The following LRP1B variants were observed in gnomAD, a reference collection of about 807,000 sequenced individuals.
LRP1B encodes low-density lipoprotein receptor-related protein 1B.
A neutral mutation model predicts 556.6 loss-of-function variants in LRP1B; 217 were observed. The ratio of observed to expected loss-of-function variants is 0.39; its 90% CI spans 0.35 to 0.44. The LOEUF (loss-of-function observed/expected upper bound fraction) is 0.44, where lower values mean the gene tolerates loss of function less well. Among genes scored for constraint, LRP1B ranks in the 20% least tolerant of loss-of-function variants. The pLI, the probability that LRP1B is intolerant of heterozygous loss-of-function variation, is 1.00. For synonymous variants in LRP1B, 2,047 were observed against 1,865.8 expected (o/e 1.10, Z -2.50); for missense variants, 5,053 against 5,620.8 (o/e 0.90, Z 3.23).
intron 83 of LRP1B, among the ~76,000 whole-genome samples, chr2:140,302,819 T>C (rs1274590255): frequency 6.6e-6 from 1 of 151,808 alleles, no homozygotes; most frequent in Non-Finnish European, 1.5e-5. Flanking sequence ...AATTGCTTCC[T>C]CCTCCCACCC....
chr2:141,278,505 T>C (rs1256446233), intron 3 of LRP1B, among the ~76,000 whole-genome samples: 1 of 152,150 alleles, frequency 6.6e-6, no homozygotes, highest in Non-Finnish European at 1.5e-5. Context: ...CTACATGTAC[T>C]GGGTCACGTT....
At chr2:141,085,569 C>T (rs2104896132) in intron 7 of LRP1B, among the ~76,000 whole-genome samples, 1 of 152,202 alleles carries the variant, frequency 6.6e-6, no homozygotes, top group East Asian at 1.9e-4. Context: ...AGAGAGAGGC[C>T]TCAAGAAACC....
intron 41 of LRP1B, among the ~76,000 whole-genome samples, chr2:140,603,154 T>C (rs986430315): frequency 2.0e-5 from 3 of 152,056 alleles, no homozygotes; most frequent in Non-Finnish European, 2.9e-5. Flanking sequence ...ATACCATAGA[T>C]AGTCTCCTCT....
intron 66 of LRP1B, among the ~76,000 whole-genome samples, chr2:140,415,893 G>C (rs1014279035): frequency 6.6e-6 from 1 of 152,216 alleles, no homozygotes; most frequent in Non-Finnish European, 1.5e-5. Flanking sequence ...AGTTGCAAAT[G>C]CAAGTTTGGC....
At chr2:141,312,904 C>A (rs1011818585) in intron 3 of LRP1B, among the ~76,000 whole-genome samples, 3 of 152,070 alleles carry the variant, frequency 2.0e-5, no homozygotes, top group Non-Finnish European at 4.4e-5. Flanking sequence ...TGGTCTCGAA[C>A]TCCTGACCTC....
At chr2:141,903,311 C>T (rs1268692175) in intron 1 of LRP1B, among the ~76,000 whole-genome samples, 1 of 151,888 alleles carries the variant, frequency 6.6e-6, no homozygotes. Context: ...AAATCAACTT[C>T]TCCATGCTGT....
intron 2 of LRP1B, among the ~76,000 whole-genome samples, chr2:141,717,019 T>A (rs1692627961): frequency 6.6e-6 from 1 of 152,172 alleles, no homozygotes; most frequent in South Asian, 2.1e-4. Flanking sequence ...GGTTTAGGTG[T>A]TGAGGTGCTC....
chr2:140,948,208 A>G (rs1695599266), intron 20 of LRP1B, among the ~76,000 whole-genome samples: 2 of 152,226 alleles, frequency 1.3e-5, no homozygotes, highest in East Asian at 1.9e-4. Context: ...TAGATTTCAT[A>G]GCACATTATG....
At chr2:140,891,039 T>A (rs1246472203) in intron 23 of LRP1B, among the ~76,000 whole-genome samples, 5 of 152,138 alleles carry the variant, frequency 3.3e-5, no homozygotes, top group Admixed American at 2.0e-4. Context: ...CGACTGAATT[T>A]AACAGCTCAA....
intron 1 of LRP1B, among the ~76,000 whole-genome samples, chr2:141,945,557 C>A (rs1317830945): frequency 1.3e-5 from 2 of 150,380 alleles, no homozygotes; most frequent in African/African-American, 2.5e-5. Flanking sequence ...ATATATATAT[C>A]TCCACAATTG....
At chr2:141,366,746 T>G (rs894071548) in intron 3 of LRP1B, among the ~76,000 whole-genome samples, 2 of 152,220 alleles carry the variant, frequency 1.3e-5, no homozygotes, top group Non-Finnish European at 2.9e-5. Context: ...AATGTCTTAT[T>G]TTCTTTGTTG....
At chr2:141,537,155 C>G (rs1204117410) in intron 2 of LRP1B, among the ~76,000 whole-genome samples, 1 of 152,014 alleles carries the variant, frequency 6.6e-6, no homozygotes, top group Non-Finnish European at 1.5e-5. Flanking sequence ...AGATTAACTT[C>G]TTTGAGTACA....
intron 35 of LRP1B, among the ~76,000 whole-genome samples, chr2:140,767,242 G>T (rs190866016): frequency 6.6e-6 from 1 of 152,058 alleles, no homozygotes; most frequent in Non-Finnish European, 1.5e-5. Flanking sequence ...CTACCTACAT[G>T]ACTATTCTGT....
At chr2:140,298,127 T>A (rs1683680592) in intron 83 of LRP1B, among the ~76,000 whole-genome samples, 158 bp from the exon 84 acceptor site, 1 of 152,112 alleles carries the variant, frequency 6.6e-6, no homozygotes, top group Non-Finnish European at 1.5e-5. Context: ...CTTCTTTGGG[T>A]CTCAGTTTTT....
At chr2:140,529,117 A>C (rs1690568263) in intron 47 of LRP1B, among the ~76,000 whole-genome samples, 1 of 152,074 alleles carries the variant, frequency 6.6e-6, no homozygotes, top group African/African-American at 2.4e-5. Context: ...AAGTAAGCTT[A>C]TGAAACATGA....
At chr2:140,867,374 G>A (rs887621030) in intron 27 of LRP1B, among the ~76,000 whole-genome samples, 2 of 151,760 alleles carry the variant, frequency 1.3e-5, no homozygotes, top group Non-Finnish European at 2.9e-5. Flanking sequence ...TAGGAATTAA[G>A]ATGCCCCTAA....
chr2:141,514,350 G>A (rs62167901), intron 2 of LRP1B, among the ~76,000 whole-genome samples: 15,664 of 152,122 alleles, frequency 0.1, 907 homozygotes, highest in South Asian at 0.22. Flanking sequence ...CTCCATCCAC[G>A]GGATCTTGTT....
intron 18 of LRP1B, among the ~76,000 whole-genome samples, chr2:140,952,738 A>C (rs558352407): frequency 6.6e-6 from 1 of 152,160 alleles, no homozygotes; most frequent in Non-Finnish European, 1.5e-5. Flanking sequence ...TCTGATAATC[A>C]AGGTGAATAG....
intron 3 of LRP1B, among the ~76,000 whole-genome samples, chr2:141,415,203 C>T (rs1422744320): frequency 5.9e-5 from 9 of 152,006 alleles, no homozygotes; most frequent in East Asian, 1.9e-4. Flanking sequence ...TTAGTAGAGA[C>T]GGGGTTTCAC....
Sources: gnomAD v4.1 joint callset for allele counts (sites outside exome capture counted in the v4.1 genomes callset) on GRCh38, gnomAD v4.1.1 for gene constraint, MANE v1.5 for transcripts, NCBI Gene and HGNC (gene_info 2026-07-23, HGNC 2026-07-21) for gene names.